Variants in CYP2C19 observed in about 807,000 individuals in gnomAD.
CYP2C19 encodes the protein cytochrome P450 2C19.
In CYP2C19, 59 loss-of-function variants were observed where a neutral mutation model predicts 40.9. The ratio of observed to expected loss-of-function variants is 1.44; its 90% CI spans 1.17 to 1.79. The LOEUF (loss-of-function observed/expected upper bound fraction) is 1.79. Among genes scored for constraint, CYP2C19 ranks in the 40% most tolerant of loss-of-function variants. The pLI is 0.00. For missense variants in CYP2C19, 754 were observed against 596.9 expected, an observed-to-expected ratio of 1.26 and a Z score of -2.74; for synonymous variants, 253 against 208.7, an observed-to-expected ratio of 1.21 and a Z score of -1.83.
intron 5 of CYP2C19, among the ~76,000 whole-genome samples, chr10:94,785,937 G>T (rs994865067): frequency 6.6e-6 from 1 of 151,988 alleles, no homozygotes; most frequent in Non-Finnish European, 1.5e-5. Flanking sequence ...AGCCTTCCCT[G>T]CCCACTATGT....
intron 5 of CYP2C19, among the ~76,000 whole-genome samples, chr10:94,783,909 G>C (rs1013328696): frequency 2.0e-5 from 3 of 152,084 alleles, no homozygotes; most frequent in Non-Finnish European, 4.4e-5. Flanking sequence ...AAAAATTGAA[G>C]TAAAATTCAC....
At chr10:94,774,586 C>G (rs980343934) in intron 1 of CYP2C19, 1 of 175,410 alleles carries the variant, frequency 5.7e-6, no homozygotes, top group African/African-American at 2.4e-5. Context: ...ATGATGCATG[C>G]TAATCATAAA....
In CYP2C19 at chr10:94,820,556, T is replaced by C. The variant is rs765725701; in HGVS notation, c.880T>C (p.Leu294=). Residue 294 remains leucine, a synonymous_variant, in exon 6 of 9, where the codon TTA becomes CTA. Coordinates refer to ENST00000371321, the MANE Select transcript of CYP2C19 (RefSeq NM_000769.4). ...AAACTTGGTAATCACTGCAGCTGAC[T>C]TACTTGGAGCTGGGACAGAGACAAC... ...IENLVITAAD[L]LGAGTETTST... 5 of 1,614,164 alleles carry C rather than the reference T, an allele frequency of 3.1e-6. No homozygotes were observed. Among genetic ancestry groups the C allele is most frequent in the Non-Finnish European group, 4.2e-6 (5 of 1,180,034 alleles).
rs113305025 is a variant in CYP2C19, at chr10:94,851,142, C to G, written c.1291+1084C>G. Among the ~76,000 whole-genome samples, 380 of 152,150 alleles carry G rather than the reference C, an allele frequency of 2.5e-3. 2 individuals carry two copies. Among genetic ancestry groups the G allele is most frequent in the African/African-American group, 8.0e-3 (333 of 41,528 alleles). ...AAAAGAGGTTATTTGACTCACAGTT[C>G]CACAGGCTGTACAGGAAGAATGGCT... On this transcript the variant is annotated intron_variant, in intron 8 of 8. Transcript: ENST00000371321.
intron 5 of CYP2C19, among the ~76,000 whole-genome samples, chr10:94,797,019 C>A (rs925159333): frequency 6.6e-6 from 1 of 152,062 alleles, no homozygotes; most frequent in Non-Finnish European, 1.5e-5. Context: ...CGAGAACTTC[C>A]AACACTGCGT....
At chr10:94,776,555 G>A (rs894716457) in intron 3 of CYP2C19, 1 of 152,118 alleles carries the variant, frequency 6.6e-6, no homozygotes, top group Non-Finnish European at 1.5e-5. Flanking sequence ...GCTGTTCAAT[G>A]CCTTGCTATT....
intron 8 of CYP2C19, among the ~76,000 whole-genome samples, chr10:94,851,046 C>T (rs914615141): frequency 6.6e-6 from 1 of 152,128 alleles, no homozygotes; most frequent in African/African-American, 2.4e-5. Context: ...CAAGCATTCA[C>T]ATTTAGCACA....
intron 5 of CYP2C19, among the ~76,000 whole-genome samples, chr10:94,809,205 A>G (rs938175109): frequency 1.3e-5 from 2 of 152,072 alleles, no homozygotes; most frequent in African/African-American, 2.4e-5. Flanking sequence ...GCACTTTTTC[A>G]TATGTCTGTT....
At chr10:94,840,724 A>G (rs1014670705) in intron 6 of CYP2C19, among the ~76,000 whole-genome samples, 1 of 152,218 alleles carries the variant, frequency 6.6e-6, no homozygotes, top group Non-Finnish European at 1.5e-5. Flanking sequence ...GTTCGGGACA[A>G]CAGCTTTCTG....
chr10:94,797,435 A>G (rs1304174590), intron 5 of CYP2C19, among the ~76,000 whole-genome samples: 1 of 151,988 alleles, frequency 6.6e-6, no homozygotes, highest in East Asian at 1.9e-4. Flanking sequence ...TTCTTCAGGC[A>G]TATTGGCCTG....
At chr10:94,808,928 T>C (rs1848873975) in intron 5 of CYP2C19, among the ~76,000 whole-genome samples, 1 of 151,846 alleles carries the variant, frequency 6.6e-6, no homozygotes, top group African/African-American at 2.4e-5. Flanking sequence ...ATATACTGAT[T>C]TCCTTTCTTT....
intron 5 of CYP2C19, among the ~76,000 whole-genome samples, chr10:94,817,904 T>C (rs894544004): frequency 4.0e-5 from 6 of 150,086 alleles, no homozygotes; most frequent in Non-Finnish European, 8.9e-5. Flanking sequence ...TCCCAGCTAC[T>C]TGGGAGGCTG....
intron 1 of CYP2C19, chr10:94,773,948 T>C (rs1848370341): frequency 6.6e-6 from 1 of 152,198 alleles, no homozygotes; most frequent in African/African-American, 2.4e-5. Context: ...GATTGTTCCA[T>C]TTTACAGAGT....
chr10:94,833,076 T>G (rs931361506), intron 6 of CYP2C19, among the ~76,000 whole-genome samples: 3 of 152,244 alleles, frequency 2.0e-5, no homozygotes, highest in African/African-American at 7.2e-5. Flanking sequence ...ACTGTTGGCA[T>G]ATATCAACAC....
intron 6 of CYP2C19, among the ~76,000 whole-genome samples, chr10:94,840,558 T>A (rs1198664129): frequency 6.6e-6 from 1 of 152,104 alleles, no homozygotes; most frequent in Non-Finnish European, 1.5e-5. Flanking sequence ...GGAAGTAGAT[T>A]CAGAGGTAAG....
chr10:94,807,519 G>T (rs562351059), intron 5 of CYP2C19, among the ~76,000 whole-genome samples: 2 of 152,070 alleles, frequency 1.3e-5, no homozygotes, highest in East Asian at 3.9e-4. Flanking sequence ...ATAAGTTTTT[G>T]AGTTCTCTTT....
chr10:94,796,789 C>G (rs912190584), intron 5 of CYP2C19, among the ~76,000 whole-genome samples: 1 of 151,642 alleles, frequency 6.6e-6, no homozygotes, highest in Non-Finnish European at 1.5e-5. Flanking sequence ...TGTTTTGGCT[C>G]TCTGTCTGTT....
rs890142322 is a variant in CYP2C19, at chr10:94,847,403, G to A, written c.1150-2514G>A. Among the ~76,000 whole-genome samples the A allele has an allele frequency of 1.5e-3, 229 of 152,248 alleles. 2 individuals are homozygous for A. The highest frequency in any genetic ancestry group is 9.1e-4 in the Non-Finnish European group (62 of 68,012). On this transcript the variant is annotated intron_variant, in intron 7 of 8. Transcript: ENST00000371321. ...TCATCCATGTCCCTACAAAGGACATGAACTCATCATTTTTTATGGCTGTGT... is the reference window on the plus strand; with the variant it reads ...TCATCCATGTCCCTACAAAGGACATAAACTCATCATTTTTTATGGCTGTGT...
At chr10:94,788,116 AC>A (rs1400013326) in intron 5 of CYP2C19, among the ~76,000 whole-genome samples, 3 of 145,024 alleles carry the variant, frequency 2.1e-5, no homozygotes, top group Non-Finnish European at 4.5e-5. Context: ...GTTCCATTCC[AC>A]CCCCACCCCC....
Sources: allele counts gnomAD v4.1 joint callset (sites outside exome capture counted in the v4.1 genomes callset), GRCh38; gene constraint gnomAD v4.1.1; transcripts MANE v1.5; gene names NCBI Gene and HGNC (gene_info 2026-07-23, HGNC 2026-07-21).